STPG2: variants seen among roughly 807,000 people sequenced by gnomAD.
The protein encoded by STPG2 is sperm tail PG-rich repeat containing 2.
STPG2 carries 56 observed loss-of-function variants against 54.2 expected under a neutral mutation model. That is an observed-to-expected ratio of 1.03 (90% CI 0.83 to 1.29). The LOEUF is 1.29. Ranked by LOEUF, STPG2 falls within the 50% of genes most tolerant of loss-of-function variation. STPG2 has a pLI of 0.00. For missense variants in STPG2, 596 were observed against 544.9 expected (o/e 1.09, Z -0.93); for synonymous variants, 200 against 181.8 (o/e 1.10, Z -0.81).
intron 9 of STPG2, among the ~76,000 whole-genome samples, chr4:97,776,327 C>T (rs896438827): frequency 2.0e-5 from 3 of 152,042 alleles, no homozygotes; most frequent in African/African-American, 7.2e-5. Context: ...AATAACTTTG[C>T]CCATGGTCAC....
chr4:98,016,955 A>G (rs1735968501), intron 5 of STPG2, among the ~76,000 whole-genome samples: 1 of 152,146 alleles, frequency 6.6e-6, no homozygotes, highest in African/African-American at 2.4e-5. Flanking sequence ...GTTGGTAGGC[A>G]AACTGGTGAG....
Position 97,490,972 on chromosome 4 carries a change from A to G in STPG2, c.462+221727T>C, listed in dbSNP as rs1014887975. Among the ~76,000 whole-genome samples the G allele has an allele frequency of 2.6e-5, 4 of 151,594 alleles. No individual in the cohort carries two copies. In the South Asian group the frequency reaches 8.3e-4, roughly 31 times the overall value. ...TGACCTCAGTTTACTCAGCAAATGCATTATTTTATTCTCTTTCTGATTCAC... is the reference window on the plus strand; with the variant it reads ...TGACCTCAGTTTACTCAGCAAATGCGTTATTTTATTCTCTTTCTGATTCAC... On this transcript the variant is annotated intron_variant, in intron 4 of 4. Coordinates refer to the STPG2 transcript ENST00000522676.
At chr4:97,768,644 A>T (rs1036483462) in intron 9 of STPG2, among the ~76,000 whole-genome samples, 2 of 152,150 alleles carry the variant, frequency 1.3e-5, no homozygotes, top group Admixed American at 6.5e-5. Flanking sequence ...AAAGGACATT[A>T]AACCTTTACT....
intron 5 of STPG2, among the ~76,000 whole-genome samples, chr4:98,034,465 A>G (rs564075018): frequency 3.3e-5 from 5 of 152,226 alleles, no homozygotes; most frequent in Non-Finnish European, 7.3e-5. Flanking sequence ...AAACAAATGG[A>G]AGAACATTCC....
At chr4:97,649,679 C>A (rs1395764234) in intron 10 of STPG2, among the ~76,000 whole-genome samples, 1 of 151,968 alleles carries the variant, frequency 6.6e-6, no homozygotes, top group Admixed American at 6.6e-5. Flanking sequence ...GGAAGTTAAC[C>A]AAGGTAACCA....
intron 5 of STPG2, among the ~76,000 whole-genome samples, chr4:98,044,848 T>C (rs1241183199): frequency 1.3e-5 from 2 of 152,150 alleles, no homozygotes; most frequent in South Asian, 4.1e-4. Flanking sequence ...TTTTCACTGT[T>C]GACAAGTGAG....
chr4:98,029,670 G>T (rs1226263184), intron 5 of STPG2, among the ~76,000 whole-genome samples: 1 of 152,094 alleles, frequency 6.6e-6, no homozygotes, highest in Non-Finnish European at 1.5e-5. Flanking sequence ...AAATCCTAGG[G>T]TTGCGTGCTC....
intron 5 of STPG2, among the ~76,000 whole-genome samples, chr4:98,014,507 C>G (rs536535569): frequency 6.6e-6 from 1 of 152,180 alleles, no homozygotes; most frequent in South Asian, 2.1e-4. Context: ...TGGATGGGAG[C>G]CTCCCATCAC....
chr4:97,774,889 G>A (rs1263468698), intron 9 of STPG2, among the ~76,000 whole-genome samples: 2 of 152,112 alleles, frequency 1.3e-5, no homozygotes, highest in South Asian at 2.1e-4. Context: ...GAGGTGGAAG[G>A]TGCAAAGTGC....
intron 10 of STPG2, among the ~76,000 whole-genome samples, chr4:97,564,151 C>A (rs1298494437): frequency 6.6e-6 from 1 of 152,122 alleles, no homozygotes; most frequent in African/African-American, 2.4e-5. Flanking sequence ...GGATAGTTAG[C>A]TCTTCTTGTT....
chr4:97,668,472 T>C (rs1722590936), intron 10 of STPG2, among the ~76,000 whole-genome samples: 1 of 152,018 alleles, frequency 6.6e-6, no homozygotes, highest in Non-Finnish European at 1.5e-5. Context: ...GATGGAGAAA[T>C]CTGTAACAGA....
At chr4:97,679,004 T>C (rs1176403055) in intron 10 of STPG2, among the ~76,000 whole-genome samples, 5 of 152,298 alleles carry the variant, frequency 3.3e-5, no homozygotes, top group Non-Finnish European at 2.9e-5. Context: ...ATGTGCCACA[T>C]TTTCTTAATC....
intron 8 of STPG2, among the ~76,000 whole-genome samples, chr4:97,920,281 ACACT>A (rs1732048968): frequency 1.3e-5 from 2 of 152,182 alleles, no homozygotes; most frequent in South Asian, 4.1e-4. Context: ...GCCTTGTCAC[ACACT>A]CACAAAATTT....
chr4:97,828,621 C>T (rs911203179), intron 9 of STPG2, among the ~76,000 whole-genome samples: 4 of 152,148 alleles, frequency 2.6e-5, no homozygotes, highest in Non-Finnish European at 5.9e-5. Flanking sequence ...CTCCACAGAG[C>T]CCAGCAAGCC....
rs565733084 is a variant in STPG2, at chr4:97,867,712, T to C, written c.1045-26780A>G. ...CTGATGCAGCAGTCCCATAGTAATA[T>C]CAGTTCCCAAGCTCTTCTGTTTTCT... On this transcript the variant is annotated intron_variant, in intron 8 of 10. Coordinates refer to ENST00000295268, the MANE Select transcript of STPG2 (RefSeq NM_174952.3). Among the ~76,000 whole-genome samples, 3 of 152,148 alleles carry C rather than the reference T, an allele frequency of 2.0e-5. No individual in the cohort carries two copies. In the South Asian group the frequency reaches 6.2e-4, roughly 32 times the overall value.
intron 2 of STPG2, among the ~76,000 whole-genome samples, chr4:98,129,965 C>A (rs1463059879): frequency 6.6e-6 from 1 of 151,852 alleles, no homozygotes; most frequent in African/African-American, 2.4e-5. Context: ...TCAAGCGATT[C>A]TCCTGCCTCA....
At chr4:97,993,643 T>C (rs536777483) in intron 5 of STPG2, among the ~76,000 whole-genome samples, 46 of 152,192 alleles carry the variant, frequency 3.0e-4, no homozygotes, top group African/African-American at 1.1e-3. Flanking sequence ...TCTTGTGGGA[T>C]AGTATCAATA....
At chr4:98,094,576 T>A (rs537875805) in intron 5 of STPG2, among the ~76,000 whole-genome samples, 1 of 152,194 alleles carries the variant, frequency 6.6e-6, no homozygotes, top group Admixed American at 6.5e-5. Flanking sequence ...TGGACAGCAT[T>A]TCTGGACCTG....
At chr4:97,519,251 G>T (rs1731134524) in intron 4 of STPG2, among the ~76,000 whole-genome samples, 1 of 151,974 alleles carries the variant, frequency 6.6e-6, no homozygotes. Context: ...TCCACCACAG[G>T]GAAATCTTCA....
Sources: allele counts gnomAD v4.1 joint callset (sites outside exome capture counted in the v4.1 genomes callset), GRCh38; gene constraint gnomAD v4.1.1; transcripts MANE v1.5; gene names NCBI Gene and HGNC (gene_info 2026-07-23, HGNC 2026-07-21).